The following WDR33 variants were observed in gnomAD, a reference collection of about 807,000 sequenced individuals.
The protein encoded by WDR33 is WD repeat domain 33.
WDR33 carries 47 observed loss-of-function variants against 164.9 expected under a neutral mutation model. The observed-to-expected ratio is 0.29, with a 90% confidence interval of 0.23 to 0.36. The LOEUF (loss-of-function observed/expected upper bound fraction) is 0.36. WDR33 is among the 10% of genes least tolerant of loss of function. WDR33 has a pLI of 1.00. For missense variants in WDR33, 1,137 were observed against 1,754.1 expected (o/e 0.65, Z 6.28); for synonymous variants, 505 against 589.0 (o/e 0.86, Z 2.06).
rs1256905629 is a variant in WDR33 at position 127,741,089 on chromosome 2, T to G, written c.725-14312A>C. On this transcript the variant is annotated intron_variant, in intron 7 of 21. Coordinates refer to ENST00000322313, the MANE Select transcript of WDR33 (RefSeq NM_018383.5). This position sits in a 1 kb window ranked among gnomAD's most constrained non-coding sequence, Gnocchi z 4.1. ...GTAATGAGGGTAATTATAGGGAGAC[T>G]TGTCCAGGTTGTCCCTCCTGACTTC... Among the ~76,000 whole-genome samples the G allele has an allele frequency of 2.6e-5, 4 of 152,210 alleles. No individual in the cohort carries two copies. The highest frequency in any genetic ancestry group is 1.3e-4 in the Admixed American group (2 of 15,284).
At chr2:127,775,731 T>C (rs1298351946) in intron 1 of WDR33, among the ~76,000 whole-genome samples, 2 of 152,160 alleles carry the variant, frequency 1.3e-5, no homozygotes, top group Non-Finnish European at 2.9e-5. Context: ...TAAGACCTCA[T>C]AGAGGATGGG....
chr2:127,701,933 G>A lies in WDR33; in HGVS notation c.*4390C>T, dbSNP rs530162123. 1.9e-4 allele frequency: 265 copies of A among 1,427,644 alleles called. 2 individuals are homozygous for A. In the South Asian group the frequency reaches 3.4e-3, roughly 18 times the overall value. The allele number at this position is 1,427,644 out of a possible 1,614,324, so 88.4% of individuals were successfully genotyped here. A position where few individuals can be genotyped will look rare whatever the true frequency, so the allele number is the denominator to read the frequency against. ...GGGGCGGCGCGGCGTGCGGACGCCT[G>A]CTGCGCTGCGAAGAAGCGCCGTCCC... is the stretch of plus-strand genomic sequence containing the variant. On this transcript the variant is annotated 3_prime_UTR_variant, in exon 22 of 22. Transcript: ENST00000322313.
chr2:127,789,998 G>A lies in WDR33; in HGVS notation c.-23-18994C>T, dbSNP rs371416527. On this transcript the variant is annotated intron_variant, in intron 1 of 21. Coordinates refer to ENST00000322313, the MANE Select transcript of WDR33 (RefSeq NM_018383.5). ...CTACAGGTGCATGCCACCACGCCTG[G>A]CTAATTTTTTTTATTTTTAGTAGAG... is the stretch of plus-strand genomic sequence containing the variant. Among the ~76,000 whole-genome samples, 10 of 152,154 alleles carry A rather than the reference G, an allele frequency of 6.6e-5. 1 individual carries two copies. The highest frequency in any genetic ancestry group is 2.4e-4 in the African/African-American group (10 of 41,524).
Position 127,709,549 on chromosome 2 carries a change from T to G in WDR33, c.3506A>C (p.Glu1169Ala). The G allele has an allele frequency of 6.2e-7, 1 of 1,614,134 alleles. No individual in the cohort carries two copies. Among genetic ancestry groups the G allele is most frequent in the Non-Finnish European group, 8.5e-7 (1 of 1,179,936 alleles). The change falls in exon 20 of 22, where the codon GAG (glutamate) becomes GCG (alanine). Residue 1169 changes from glutamate (E) to alanine (A), a missense_variant. Physicochemically the swap from Glu to Ala is moderately radical, Grantham distance 107. Coordinates refer to ENST00000322313, the MANE Select transcript of WDR33 (RefSeq NM_018383.5). The surrounding 1 kb of genome is among the most constrained non-coding windows in gnomAD (Gnocchi z 5.0). ...CCGCCCTCCTTCAAAGCGAGGGAAC[T>G]CGTCAGGAGTGGGAAGTAAACCCTT... is the stretch of plus-strand genomic sequence containing the variant. ...GRKGLLPTPDEFPRFEGGRKP... is the reference protein window; with the variant it reads ...GRKGLLPTPDAFPRFEGGRKP...
chr2:127,788,302 C>G (rs1257579615), intron 1 of WDR33, among the ~76,000 whole-genome samples: 14 of 128,492 alleles, frequency 1.1e-4, no homozygotes, highest in African/African-American at 4.3e-4. Flanking sequence ...GGGGCTGACC[C>G]CCCCACCTCC....
rs1686510726 is a variant in WDR33, at chr2:127,724,278, GTATT to G, written c.1196+51_1196+54del. 2.2e-6 allele frequency: 3 copies of G among 1,334,770 alleles called. No individual in the cohort carries two copies. Among genetic ancestry groups the G allele is most frequent in the Middle Eastern group, 1.8e-4 (1 of 5,480 alleles). The allele number at this position is 1,334,770 out of a possible 1,614,324, so 82.7% of individuals were successfully genotyped here. A position where few individuals can be genotyped will look rare whatever the true frequency, so the allele number is the denominator to read the frequency against. Reference sequence around the variant, plus strand: ...CAACCAATAAAAATAAACACATACAGTATTTATTTCCTGTTGCTCCATATAAAGC... The same window carrying G: ...CAACCAATAAAAATAAACACATACAGTATTTCCTGTTGCTCCATATAAAGC... On this transcript the variant is annotated intron_variant, in intron 11 of 21. Transcript: ENST00000322313. The surrounding 1 kb of genome is among the most constrained non-coding windows in gnomAD (Gnocchi z 4.8).
chr2:127,767,266 T>C (rs1221188229), intron 4 of WDR33, among the ~76,000 whole-genome samples: 1 of 152,168 alleles, frequency 6.6e-6, no homozygotes, highest in East Asian at 1.9e-4. Flanking sequence ...TCAACTGTTA[T>C]TTGCTCAACT....
rs574616767 is a variant in WDR33 at position 127,715,245 on chromosome 2, C to T, written c.2870-1224G>A. The stretch of plus-strand genomic sequence containing the variant: ...TAGCTGGGATTACAGGTACCACGCC[C>T]GGCTAATTTTTGTATTTTCAGTAGA... On this transcript the variant is annotated intron_variant, in intron 17 of 21. Coordinates refer to ENST00000322313, the MANE Select transcript of WDR33 (RefSeq NM_018383.5). Among the ~76,000 whole-genome samples, 18 of 151,954 alleles carry T rather than the reference C, an allele frequency of 1.2e-4. No homozygotes were observed. The South Asian group carries it at 1.2e-3, about 11-fold the overall frequency.
intron 1 of WDR33, among the ~76,000 whole-genome samples, chr2:127,782,347 G>A (rs1241975855): frequency 1.3e-5 from 2 of 152,076 alleles, no homozygotes; most frequent in Non-Finnish European, 2.9e-5. Flanking sequence ...GGCAGGGGTT[G>A]CGGCGAGCCG....
At chr2:127,786,844 C>CTTTTTTTTTT (rs71307273) in intron 1 of WDR33, among the ~76,000 whole-genome samples, 7 of 111,834 alleles carry the variant, frequency 6.3e-5, no homozygotes, top group Non-Finnish European at 1.1e-4. Context: ...CCTTTCTGTT[C>CTTTTTTTTTT]TTTTTTTTTT....
chr2:127,754,750 A>G (rs1687473939), intron 7 of WDR33, among the ~76,000 whole-genome samples: 1 of 151,958 alleles, frequency 6.6e-6, no homozygotes, highest in Non-Finnish European at 1.5e-5. Context: ...CACAGGAAAA[A>G]AATTTCCATA....
intron 1 of WDR33, among the ~76,000 whole-genome samples, chr2:127,804,237 C>G (rs1323317825): frequency 6.6e-6 from 1 of 152,024 alleles, no homozygotes; most frequent in African/African-American, 2.4e-5. Context: ...AGGAGAATGG[C>G]GTGAACCCGG....
rs1430177068 is a variant in WDR33, at chr2:127,703,939, TA to T, written c.*2383del. 6.0e-6 allele frequency: 1 copy of T among 166,710 alleles called. No individual in the cohort carries two copies. Among genetic ancestry groups the T allele is most frequent in the Non-Finnish European group, 1.5e-5 (1 of 68,096 alleles). The allele number at this position is 166,710 out of a possible 1,614,324, so 10.3% of individuals were successfully genotyped here. On this transcript the variant is annotated 3_prime_UTR_variant, in exon 22 of 22. Transcript: ENST00000322313. Reference sequence around the variant, plus strand: ...TCAAGACCAGCCTGGGCAACACAGTTAAACCCCATCGCCACAGAAAATCTTC... The same window carrying T: ...TCAAGACCAGCCTGGGCAACACAGTTAACCCCATCGCCACAGAAAATCTTC...
intron 7 of WDR33, among the ~76,000 whole-genome samples, chr2:127,756,490 A>C (rs1323320538): frequency 1.3e-5 from 2 of 152,148 alleles, no homozygotes. Flanking sequence ...ACTCACCGAA[A>C]ATGAAAAAGC....
intron 1 of WDR33, among the ~76,000 whole-genome samples, chr2:127,805,650 T>C (rs978171811): frequency 1.3e-5 from 2 of 151,990 alleles, no homozygotes; most frequent in South Asian, 2.1e-4. Context: ...CCTTTGAAAC[T>C]GCCCAAAAAG....
intron 7 of WDR33, among the ~76,000 whole-genome samples, chr2:127,752,627 G>T (rs141588047): frequency 0.03 from 4,493 of 147,724 alleles, 97 homozygotes; most frequent in Middle Eastern, 0.046. Flanking sequence ...AAAAGAAACA[G>T]TCTAGGCACC....
rs182056058 is a variant in WDR33, at chr2:127,757,215, A to G, written c.724+5847T>C. Among the ~76,000 whole-genome samples the G allele has an allele frequency of 2.1e-4, 32 of 152,326 alleles. No individual in the cohort carries two copies. The South Asian group carries it at 2.5e-3, about 12-fold the overall frequency. On this transcript the variant is annotated intron_variant, in intron 7 of 21. Coordinates refer to ENST00000322313, the MANE Select transcript of WDR33 (RefSeq NM_018383.5). ...CAAGAAAGGTACAGATTTATATTCA[A>G]TAAGTTTTGGTCATATTATGTACAA...
At chr2:127,757,108 A>G (rs1341812665) in intron 7 of WDR33, among the ~76,000 whole-genome samples, 1 of 151,556 alleles carries the variant, frequency 6.6e-6, no homozygotes, top group African/African-American at 2.4e-5. Flanking sequence ...GAATCTTCAC[A>G]TACAAAAGAG....
chr2:127,701,601 C>T lies in WDR33; in HGVS notation c.*4722G>A. 1 of 1,348,200 alleles carries T rather than the reference C, an allele frequency of 7.4e-7. No individual in the cohort carries two copies. Among genetic ancestry groups the T allele is most frequent in the Non-Finnish European group, 9.5e-7 (1 of 1,051,906 alleles). The allele number at this position is 1,348,200 out of a possible 1,614,324, so 83.5% of individuals were successfully genotyped here. On this transcript the variant is annotated 3_prime_UTR_variant, in exon 22 of 22. Coordinates refer to ENST00000322313, the MANE Select transcript of WDR33 (RefSeq NM_018383.5). ...AGCTGGCGGCCCGGCGGCCGCGGAGCCGCTGCTCGCCGCGGAGAAGGCGGA... is the reference window on the plus strand; with the variant it reads ...AGCTGGCGGCCCGGCGGCCGCGGAGTCGCTGCTCGCCGCGGAGAAGGCGGA...
Sources: gnomAD v4.1 joint callset for allele counts (sites outside exome capture counted in the v4.1 genomes callset) on GRCh38, gnomAD v4.1.1 for gene constraint, Gnocchi (gnomAD v3.1) non-coding constraint, MANE v1.5 for transcripts, NCBI Gene and HGNC (gene_info 2026-07-23, HGNC 2026-07-21) for gene names.